The following ARHGAP15 variants were observed in gnomAD, a reference collection of about 807,000 sequenced individuals.
ARHGAP15 encodes rho GTPase-activating protein 15.
Under a neutral mutation model 63.7 loss-of-function variants are expected in ARHGAP15, and 51 were observed. That is an observed-to-expected ratio of 0.80 (90% CI 0.64 to 1.01). The LOEUF (loss-of-function observed/expected upper bound fraction) is 1.01, where lower values mean the gene tolerates loss of function less well. ARHGAP15 is among the 50% of genes least tolerant of loss of function. ARHGAP15 has a pLI of 0.00. For synonymous variants in ARHGAP15, 191 were observed against 193.8 expected, an observed-to-expected ratio of 0.99 and a Z score of 0.12; for missense variants, 560 against 564.6, an observed-to-expected ratio of 0.99 and a Z score of 0.08.
intron 4 of ARHGAP15, among the ~76,000 whole-genome samples, chr2:143,222,059 T>C (rs1206622478): frequency 6.6e-6 from 1 of 152,372 alleles, no homozygotes; most frequent in East Asian, 1.9e-4. Flanking sequence ...GCTGAATCTT[T>C]CTTCATTTTC....
rs186356143 is a variant in ARHGAP15, at chr2:143,559,961, T to C, written c.1003+3476T>C. Among the ~76,000 whole-genome samples the C allele has an allele frequency of 1.6e-3, 238 of 152,364 alleles. 2 individuals carry two copies. The highest frequency in any genetic ancestry group is 5.7e-3 in the African/African-American group (236 of 41,586). ...TGTTTATTTTCTAGAAGGCTCTAAA[T>C]ATACATTTTTAAACAAGTAAGCCCT... On this transcript the variant is annotated intron_variant, in intron 11 of 13. Transcript: ENST00000295095.
intron 1 of ARHGAP15, among the ~76,000 whole-genome samples, chr2:143,145,839 G>GGTGTGTGT (rs4008348): frequency 3.5e-5 from 5 of 142,826 alleles, no homozygotes; most frequent in African/African-American, 5.2e-5. Flanking sequence ...TATGTATAGG[G>GGTGTGTGT]GTGTGTGTGT....
chr2:143,228,506 G>A, intron 4 of ARHGAP15, 75 bp from the exon 5 acceptor site: 1 of 931,332 alleles, frequency 1.1e-6, no homozygotes, highest in Non-Finnish European at 1.6e-6. Flanking sequence ...CATTCCAAAT[G>A]TTGCTCATAC....
chr2:143,598,940 TAA>T (rs1284888495), intron 11 of ARHGAP15, among the ~76,000 whole-genome samples: 1 of 150,916 alleles, frequency 6.6e-6, no homozygotes, highest in Non-Finnish European at 1.5e-5. Flanking sequence ...TTTTTTTTTT[TAA>T]AAAAAACTAA....
intron 9 of ARHGAP15, among the ~76,000 whole-genome samples, chr2:143,492,631 G>T (rs1395782167): frequency 6.6e-6 from 1 of 152,076 alleles, no homozygotes; most frequent in African/African-American, 2.4e-5. Context: ...GCGTGGTGAT[G>T]CATGTCTACA....
At chr2:143,280,599 T>G (rs575184176) in intron 6 of ARHGAP15, among the ~76,000 whole-genome samples, 11 of 152,230 alleles carry the variant, frequency 7.2e-5, no homozygotes, top group African/African-American at 2.6e-4. Flanking sequence ...AAATGGTTTT[T>G]CCCCGTATGG....
At chr2:143,284,996 C>T (rs1223025217) in intron 6 of ARHGAP15, among the ~76,000 whole-genome samples, 1 of 152,064 alleles carries the variant, frequency 6.6e-6, no homozygotes, top group Non-Finnish European at 1.5e-5. Context: ...ATATTACAGA[C>T]TTCTAATGTT....
At chr2:143,305,211 G>A (rs1181299841) in intron 6 of ARHGAP15, among the ~76,000 whole-genome samples, 2 of 151,338 alleles carry the variant, frequency 1.3e-5, no homozygotes, top group East Asian at 3.9e-4. Context: ...ATCATTCTCA[G>A]CAAACTAACA....
intron 6 of ARHGAP15, among the ~76,000 whole-genome samples, chr2:143,302,106 T>G (rs1682932209): frequency 6.6e-6 from 1 of 152,004 alleles, no homozygotes; most frequent in African/African-American, 2.4e-5. Context: ...CCTCAATTTG[T>G]TCACCTGCCA....
chr2:143,184,334 A>T (rs1490697191), intron 2 of ARHGAP15, among the ~76,000 whole-genome samples: 1 of 152,200 alleles, frequency 6.6e-6, no homozygotes, highest in African/African-American at 2.4e-5. Context: ...TGGTATTGCC[A>T]TCTAGCTAGC....
intron 5 of ARHGAP15, chr2:143,247,482 T>C (rs973039471): frequency 1.3e-5 from 2 of 152,158 alleles, no homozygotes; most frequent in Admixed American, 6.6e-5. Flanking sequence ...CTCAGCCCTA[T>C]TGGGTTAATA....
At chr2:143,651,433 T>C (rs539526667) in intron 12 of ARHGAP15, among the ~76,000 whole-genome samples, 2 of 152,126 alleles carry the variant, frequency 1.3e-5, no homozygotes, top group African/African-American at 4.8e-5. Flanking sequence ...AGCATTCCAC[T>C]GTATGGATAC....
intron 1 of ARHGAP15, among the ~76,000 whole-genome samples, chr2:143,154,797 G>T (rs1403952044): frequency 6.6e-6 from 1 of 151,894 alleles, no homozygotes; most frequent in Non-Finnish European, 1.5e-5. Context: ...CTCCTTTAAA[G>T]TGTGTCCATA....
At chr2:143,345,707 A>C (rs1391055015) in intron 6 of ARHGAP15, among the ~76,000 whole-genome samples, 1 of 152,130 alleles carries the variant, frequency 6.6e-6, no homozygotes, top group African/African-American at 2.4e-5. Context: ...CAGTGCATAC[A>C]TTTTAAGAAA....
chr2:143,732,831 G>C (rs1347168617), intron 13 of ARHGAP15, among the ~76,000 whole-genome samples: 1 of 150,872 alleles, frequency 6.6e-6, no homozygotes, highest in Non-Finnish European at 1.5e-5. Context: ...TTGACTAAAA[G>C]ACATGGTTTT....
chr2:143,487,109 C>T (rs909649728), intron 8 of ARHGAP15, among the ~76,000 whole-genome samples: 2 of 152,016 alleles, frequency 1.3e-5, no homozygotes, highest in South Asian at 2.1e-4. Context: ...GTAAAGATTA[C>T]GTTAAATATA....
intron 8 of ARHGAP15, among the ~76,000 whole-genome samples, chr2:143,441,794 G>T (rs1191646175): frequency 1.3e-5 from 2 of 152,110 alleles, no homozygotes; most frequent in African/African-American, 2.4e-5. Flanking sequence ...AAGGAAATGG[G>T]TTTTCCTTTA....
intron 8 of ARHGAP15, among the ~76,000 whole-genome samples, chr2:143,474,407 A>G (rs1219759514): frequency 6.6e-6 from 1 of 152,334 alleles, no homozygotes; most frequent in East Asian, 1.9e-4. Context: ...CAATTCTTAA[A>G]AAATGTAGGA....
At chr2:143,476,379 C>G (rs1691815942) in intron 8 of ARHGAP15, among the ~76,000 whole-genome samples, 1 of 152,118 alleles carries the variant, frequency 6.6e-6, no homozygotes, top group Non-Finnish European at 1.5e-5. Context: ...ACTGTGTCCC[C>G]TTGGGAAGAA....
Sources: allele counts gnomAD v4.1 joint callset (sites outside exome capture counted in the v4.1 genomes callset), GRCh38; gene constraint gnomAD v4.1.1; transcripts MANE v1.5; gene names NCBI Gene and HGNC (gene_info 2026-07-23, HGNC 2026-07-21).